Variants in ADCY3 observed in about 807,000 individuals in gnomAD.
The protein encoded by ADCY3 is adenylate cyclase type 3.
ADCY3 carries 70 observed loss-of-function variants against 119.4 expected under a neutral mutation model. The ratio of observed to expected loss-of-function variants is 0.59; its 90% CI spans 0.48 to 0.72. ADCY3 has a LOEUF of 0.72. Among genes scored for constraint, ADCY3 ranks in the 30% least tolerant of loss-of-function variants. The probability of loss-of-function intolerance (pLI) is 0.00; values close to 1 mark genes in which losing one functional copy is unlikely to be tolerated. For missense variants in ADCY3, 1,238 were observed against 1,541.6 expected (o/e 0.80, Z 3.30); for synonymous variants, 672 against 621.4 (o/e 1.08, Z -1.21).
At position 24,820,125 on chromosome 2, in the gene ADCY3, AGG is replaced by A; in HGVS notation, c.3253-13_3253-12del. 8.3e-7 allele frequency: 1 copy of A among 1,207,042 alleles called. No individual in the cohort carries two copies. Among genetic ancestry groups the A allele is most frequent in the Non-Finnish European group, 1.1e-6 (1 of 935,426 alleles). 74.8% of individuals were successfully genotyped at this position (1,207,042 alleles called of 1,614,324 possible). On this transcript the variant is annotated splice_polypyrimidine_tract_variant and intron_variant, in intron 21 of 21. Coordinates refer to ENST00000679454, the MANE Select transcript of ADCY3 (RefSeq NM_004036.5). ...GGTTTCTTCTACCACCTGGAGAGGG[AGG>A]GGGAGCAAGAACGTGGCGTTACGGG...
intron 3 of ADCY3, among the ~76,000 whole-genome samples, chr2:24,848,439 T>C (rs1671905099): frequency 6.6e-6 from 1 of 152,216 alleles, no homozygotes; most frequent in Admixed American, 6.5e-5. Context: ...GGTAAATCTC[T>C]GTTCGGGGCT....
intron 13 of ADCY3, among the ~76,000 whole-genome samples, chr2:24,828,885 G>A (rs1669012305): frequency 6.6e-6 from 1 of 152,196 alleles, no homozygotes; most frequent in Non-Finnish European, 1.5e-5. Context: ...ACACCTGGGT[G>A]CCAGGTTCCA....
At chr2:24,838,350 A>C in intron 8 of ADCY3, 95 bp downstream of exon 8, 1 of 1,292,448 alleles carries the variant, frequency 7.7e-7, no homozygotes, top group Admixed American at 2.3e-5. Flanking sequence ...GGGTCCTGCC[A>C]CCTCTTCTGC....
intron 13 of ADCY3, 145 bp downstream of exon 13, chr2:24,830,564 G>C: frequency 1.6e-6 from 1 of 636,972 alleles, no homozygotes. Flanking sequence ...ACTAGGTGGG[G>C]ATGATGTGTT....
At chr2:24,876,039 C>T (rs1230316614) in intron 2 of ADCY3, among the ~76,000 whole-genome samples, 1 of 151,870 alleles carries the variant, frequency 6.6e-6, no homozygotes, top group Non-Finnish European at 1.5e-5. Context: ...GTTGCCCAGG[C>T]TGCACTGCAG....
In ADCY3 at chr2:24,828,248, C is replaced by G. The variant is rs1032492628; in HGVS notation, c.2173-87G>C. On this transcript the variant is annotated intron_variant, in intron 13 of 21. Transcript: ENST00000679454. ...AGGGCTGTGCATGGTAGTGCACGCT[C>G]AGCTGCCACCTCCCGCGGCTCCCCC... 15 of 1,487,716 alleles carry G rather than the reference C, an allele frequency of 1.0e-5. No individual in the cohort carries two copies. In the African/African-American group the frequency reaches 2.1e-4, roughly 21 times the overall value. 92.2% of individuals were successfully genotyped at this position (1,487,716 alleles called of 1,614,324 possible). A position where few individuals can be genotyped will look rare whatever the true frequency, so the allele number is the denominator to read the frequency against.
intron 3 of ADCY3, among the ~76,000 whole-genome samples, chr2:24,849,456 C>T (rs1234094883): frequency 6.6e-6 from 1 of 151,736 alleles, no homozygotes; most frequent in East Asian, 1.9e-4. Flanking sequence ...GAGCTTCTCT[C>T]TGGGGGTGGG....
intron 3 of ADCY3, among the ~76,000 whole-genome samples, chr2:24,866,693 T>C (rs1674359432): frequency 6.6e-6 from 1 of 151,946 alleles, no homozygotes; most frequent in Non-Finnish European, 1.5e-5. Flanking sequence ...TTTAATATAT[T>C]CTAAAAAATA....
intron 3 of ADCY3, among the ~76,000 whole-genome samples, chr2:24,867,195 G>C (rs1327438794): frequency 1.3e-5 from 2 of 152,306 alleles, no homozygotes; most frequent in East Asian, 3.9e-4. Flanking sequence ...TAATGTAACG[G>C]GAGCAACAGT....
intron 13 of ADCY3, 85 bp downstream of exon 13, chr2:24,830,612 GGAGGGATGGACT>G (rs1438811840): frequency 1.2e-6 from 1 of 868,276 alleles, no homozygotes; most frequent in East Asian, 2.5e-5. Context: ...ACATGACGGT[GGAGGGATGGACT>G]GAGAAACTGC....
intron 11 of ADCY3, 52 bp from the exon 12 acceptor site, chr2:24,831,801 G>A (rs777291761): frequency 7.2e-7 from 1 of 1,385,214 alleles, no homozygotes. Context: ...AGTGAGATGG[G>A]GTGAGGGGCT....
In ADCY3 at chr2:24,834,935, G is replaced by C. The variant is rs1411226160; in HGVS notation, c.1664C>G (p.Ala555Gly). The change falls in exon 10 of 22, where the codon GCC becomes GGC. Residue 555 changes from alanine to glycine, a missense_variant and splice_region_variant. By Grantham distance (60) the Ala-to-Gly change is moderately conservative (BLOSUM62 0). This residue lies in a region of ADCY3 where 499 missense variants were observed against 571.0 expected (regional missense o/e 0.87). Transcript: ENST00000679454. This position sits in a 1 kb window ranked among gnomAD's most constrained non-coding sequence, Gnocchi z 4.2. ...SEKPEEQDAQ[A>G]DNPSFPNPRR... is the part of the protein sequence containing the mutation. ...TGGGTTGGGGAATGAGGGGTTGTCGGCCTGTGAGCCAGGGAGGCAGCGTGA... is the reference window on the plus strand; with the variant it reads ...TGGGTTGGGGAATGAGGGGTTGTCGCCCTGTGAGCCAGGGAGGCAGCGTGA... 6.2e-7 allele frequency: 1 copy of C among 1,612,998 alleles called. No individual in the cohort carries two copies. The highest frequency in any genetic ancestry group is 8.5e-7 in the Non-Finnish European group (1 of 1,179,758).
chr2:24,822,522 T>C lies in ADCY3; in HGVS notation c.2992A>G (p.Ser998Gly). ...CTGGGGTTAGCTACCTTGTTGGAGC[T>C]GGCAAAGCCATTGGTGTTGACATCG... ...TPDVNTNGFASSNKEDKSERE... is the reference protein window; with the variant it reads ...TPDVNTNGFAGSNKEDKSERE... Residue 998 changes from serine (S) to glycine (G), a missense_variant, in exon 19 of 22, where the codon AGC becomes GGC. Ser to Gly is a moderately conservative substitution (Grantham distance 56). Transcript: ENST00000679454. 5 of 1,613,722 alleles carry C rather than the reference T, an allele frequency of 3.1e-6. No individual in the cohort carries two copies. Among genetic ancestry groups the C allele is most frequent in the Non-Finnish European group, 3.4e-6 (4 of 1,179,690 alleles).
chr2:24,821,607 G>C lies in ADCY3; in HGVS notation c.3037C>G (p.Leu1013Val). 6.2e-7 allele frequency: 1 copy of C among 1,614,198 alleles called. No homozygotes were observed. Among genetic ancestry groups the C allele is most frequent in the Middle Eastern group, 1.6e-4 (1 of 6,062 alleles). Residue 1013 changes from leucine (L) to valine (V), a missense_variant, in exon 20 of 22, where the codon CTG (leucine) becomes GTG (valine). Around this residue, in one of 7 missense-constraint regions of ADCY3, gnomAD observed 63 missense variants for 62.8 expected, o/e 1.00. Coordinates refer to ENST00000679454, the MANE Select transcript of ADCY3 (RefSeq NM_004036.5). ...DKSERERWQH[L>V]ADLADFALAM... is the part of the protein sequence containing the mutation. Reference sequence around the variant, plus strand: ...AGCGCGAAGTCGGCCAGGTCAGCCAGGTGCTGCCAGCGCTCTCTCTCGGAC... The same window carrying C: ...AGCGCGAAGTCGGCCAGGTCAGCCACGTGCTGCCAGCGCTCTCTCTCGGAC...
chr2:24,884,471 C>CTTTTT lies in ADCY3; in HGVS notation c.676-11757_676-11753dup, dbSNP rs1201387570. ...TTTATTGTCTTTATTTTCTAATAAT[C>CTTTTT]TTTTTTTTTTTTTTTTTTTTTTGAG... On this transcript the variant is annotated intron_variant, in intron 2 of 21. Coordinates refer to ENST00000679454, the MANE Select transcript of ADCY3 (RefSeq NM_004036.5). 3.5e-3 allele frequency among the ~76,000 whole-genome samples: 346 copies of CTTTTT among 97,862 alleles called. 24 individuals carry two copies. The highest frequency in any genetic ancestry group is 0.015 in the African/African-American group (308 of 20,566). The allele number at this position is 97,862 out of a possible 152,430, so 64.2% of individuals were successfully genotyped here.
intron 2 of ADCY3, among the ~76,000 whole-genome samples, chr2:24,874,203 G>C (rs7580081): frequency 0.54 from 82,444 of 152,010 alleles, 25,079 homozygotes; most frequent in African/African-American, 0.84. Context: ...CCCGTTGCGT[G>C]ACGAATCAGG....
intron 15 of ADCY3, 147 bp from the exon 16 acceptor site, chr2:24,826,273 C>T (rs1261362518): frequency 3.0e-6 from 2 of 666,362 alleles, no homozygotes; most frequent in East Asian, 2.8e-5. Context: ...TCAAGTCGGG[C>T]TCCCCCGGGC....
At chr2:24,885,217 A>C (rs1027837131) in intron 2 of ADCY3, among the ~76,000 whole-genome samples, 2 of 152,120 alleles carry the variant, frequency 1.3e-5, no homozygotes, top group African/African-American at 4.8e-5. Flanking sequence ...GCAGATCCCA[A>C]CTTTGGCTGT....
rs1441300642 is a variant in ADCY3 at position 24,862,500 on chromosome 2, C to A, written c.825+10070G>T. Among the ~76,000 whole-genome samples, 9 of 150,930 alleles carry A rather than the reference C, an allele frequency of 6.0e-5. 1 individual carries two copies. On this transcript the variant is annotated intron_variant, in intron 3 of 21. Transcript: ENST00000679454. ...GGCGGAGCTTGCAGTGAGCCGAGAT[C>A]GTGCCACTGCACTCCAGCCTCGGGG...
Sources: allele counts gnomAD v4.1 joint callset (sites outside exome capture counted in the v4.1 genomes callset), GRCh38; gene constraint gnomAD v4.1.1; regional missense constraint gnomAD v4.1.1; non-coding constraint Gnocchi (gnomAD v3.1); transcripts MANE v1.5; gene names NCBI Gene and HGNC (gene_info 2026-07-23, HGNC 2026-07-21).